NID1: variants seen among roughly 807,000 people sequenced by gnomAD.
The protein encoded by NID1 is nidogen 1.
A neutral mutation model predicts 130.6 loss-of-function variants in NID1; 76 were observed. The observed-to-expected ratio is 0.58, with a 90% confidence interval of 0.48 to 0.70. The LOEUF (loss-of-function observed/expected upper bound fraction) is 0.70, where lower values mean the gene tolerates loss of function less well. Ranked by LOEUF, NID1 falls within the 30% of genes least tolerant of loss-of-function variation. The pLI, the probability that NID1 is intolerant of heterozygous loss-of-function variation, is 0.00. For missense variants in NID1, 1,517 were observed against 1,664.8 expected, an observed-to-expected ratio of 0.91 and a Z score of 1.54; for synonymous variants, 665 against 675.1, an observed-to-expected ratio of 0.98 and a Z score of 0.23.
intron 1 of NID1, among the ~76,000 whole-genome samples, chr1:236,052,225 T>C (rs533220321): frequency 6.6e-6 from 1 of 152,358 alleles, no homozygotes; most frequent in Non-Finnish European, 1.5e-5. Flanking sequence ...GCAAGTCTCA[T>C]TTTGCAAAGT....
At chr1:236,013,303 A>G in intron 11 of NID1, 108 bp downstream of exon 11, 1 of 1,216,802 alleles carries the variant, frequency 8.2e-7, no homozygotes. Context: ...AGATGACAGA[A>G]GAATTCTTTC....
At chr1:236,018,328 T>G (rs1658659876) in intron 9 of NID1, among the ~76,000 whole-genome samples, 1 of 152,228 alleles carries the variant, frequency 6.6e-6, no homozygotes, top group Non-Finnish European at 1.5e-5. Flanking sequence ...TGAGGGTTCT[T>G]CTGCAGATTA....
chr1:236,042,019 G>A lies in NID1; in HGVS notation c.1026C>T (p.Pro342=). Residue 342 remains proline (P), a synonymous_variant, in exon 4 of 20, where the codon CCC becomes CCT. Coordinates refer to ENST00000264187, the MANE Select transcript of NID1 (RefSeq NM_002508.3). ...TGGTTCTCTCTGTGGGAGGTCCAAG[G>A]GGCCTTTCGGTAGCTGCCCGGCGCG... ...LSPRRAATER[P]LGPPTERTRS... The A allele has an allele frequency of 4.3e-6, 7 of 1,614,156 alleles. No individual in the cohort carries two copies. Among genetic ancestry groups the A allele is most frequent in the Non-Finnish European group, 5.9e-6 (7 of 1,180,040 alleles).
At chr1:235,998,893 C>T (rs1365431183) in intron 12 of NID1, among the ~76,000 whole-genome samples, 1 of 152,046 alleles carries the variant, frequency 6.6e-6, no homozygotes, top group African/African-American at 2.4e-5. Context: ...CTCCTTCAGG[C>T]CACAGCACTG....
chr1:236,050,987 G>C lies in NID1; in HGVS notation c.226-1998C>G, dbSNP rs1354410208. Among the ~76,000 whole-genome samples the C allele has an allele frequency of 7.9e-5, 12 of 152,114 alleles. No individual in the cohort carries two copies. The East Asian group carries it at 2.3e-3, about 29-fold the overall frequency. On this transcript the variant is annotated intron_variant, in intron 1 of 19. Transcript: ENST00000264187. ...AGTCCCAGCTACTTGGGAGACTGAGGCAGGAGAATTGCTTGAGCCCAAGAG... is the reference window on the plus strand; with the variant it reads ...AGTCCCAGCTACTTGGGAGACTGAGCCAGGAGAATTGCTTGAGCCCAAGAG...
intron 6 of NID1, among the ~76,000 whole-genome samples, chr1:236,031,614 G>A (rs147519535): frequency 4.6e-5 from 7 of 152,352 alleles, no homozygotes; most frequent in South Asian, 2.1e-4. Flanking sequence ...GGTCTAGGTC[G>A]TCGGAGGCAG....
In NID1 at chr1:236,026,120, C is replaced by T. The variant is rs542790055; in HGVS notation, c.1760G>A (p.Arg587Gln). Reference sequence around the variant, plus strand: ...CTCGGGCTCAGTCACCGTGTACTCCCGGGTGGAGGAGGAAGTGATCACTGC... The same window carrying T: ...CTCGGGCTCAGTCACCGTGTACTCCTGGGTGGAGGAGGAAGTGATCACTGC... ...STSVITSSST[R>Q]EYTVTEPERD... is the part of the protein sequence containing the mutation. The change falls in exon 8 of 20, where the codon CGG (arginine) becomes CAG (glutamine). Residue 587 changes from arginine to glutamine, a missense_variant. Around this residue, in one of 3 missense-constraint regions of NID1, gnomAD observed 1,329 missense variants for 1,429.2 expected, o/e 0.93. Coordinates refer to ENST00000264187, the MANE Select transcript of NID1 (RefSeq NM_002508.3). 21 of 1,613,604 alleles carry T rather than the reference C, an allele frequency of 1.3e-5. No individual in the cohort carries two copies. The highest frequency in any genetic ancestry group is 5.0e-5 in the Admixed American group (3 of 59,974).
chr1:235,981,811 T>A, intron 15 of NID1, 29 bp from the exon 16 acceptor site: 2 of 1,564,374 alleles, frequency 1.3e-6, no homozygotes, highest in Non-Finnish European at 8.7e-7. Flanking sequence ...CTCCTCTAAT[T>A]TTTTTTGTTT....
chr1:235,985,249 A>T (rs1481433239), intron 15 of NID1, 130 bp downstream of exon 15: 2 of 922,002 alleles, frequency 2.2e-6, no homozygotes, highest in Non-Finnish European at 3.4e-6. Flanking sequence ...ACTTTATCGT[A>T]GTAATGCAAC....
intron 9 of NID1, among the ~76,000 whole-genome samples, chr1:236,022,228 C>G (rs1658785423): frequency 6.6e-6 from 1 of 151,890 alleles, no homozygotes; most frequent in South Asian, 2.1e-4. Context: ...GATTGTGCCA[C>G]TGCACTTCAG....
chr1:236,011,296 C>CTTTTTTTTTTTTTTTTTTTTTTT (rs3077493), intron 12 of NID1, among the ~76,000 whole-genome samples: 2 of 135,948 alleles, frequency 1.5e-5, no homozygotes, highest in Non-Finnish European at 1.6e-5. Flanking sequence ...CAAATATATT[C>CTTTTTTTTTTTTTTTTTTTTTTT]TTTTTTTTTC....
chr1:236,020,846 C>A (rs1258931887), intron 9 of NID1, among the ~76,000 whole-genome samples: 1 of 152,170 alleles, frequency 6.6e-6, no homozygotes, highest in African/African-American at 2.4e-5. Flanking sequence ...TCAGAACAAC[C>A]ACTCACCACA....
chr1:236,012,545 C>A, intron 11 of NID1, among the ~76,000 whole-genome samples: 1 of 98,266 alleles, frequency 1.0e-5, no homozygotes, highest in South Asian at 3.2e-4. Flanking sequence ...GCAACAAGAG[C>A]TAAATGCCAT....
intron 13 of NID1, among the ~76,000 whole-genome samples, chr1:235,992,369 A>T (rs755642911): frequency 6.1e-4 from 93 of 152,144 alleles, no homozygotes; most frequent in Non-Finnish European, 1.1e-3. Context: ...CCCGCCAGGG[A>T]CTGTCAAGCC....
intron 12 of NID1, among the ~76,000 whole-genome samples, chr1:236,000,528 T>C (rs1354337746): frequency 3.3e-5 from 5 of 152,154 alleles, no homozygotes; most frequent in Non-Finnish European, 7.3e-5. Flanking sequence ...AACATACATC[T>C]TACCTGTATT....
chr1:236,027,278 T>C (rs1435674875), intron 7 of NID1, among the ~76,000 whole-genome samples: 1 of 152,214 alleles, frequency 6.6e-6, no homozygotes, highest in Non-Finnish European at 1.5e-5. Context: ...AGACTCTTTA[T>C]ATCTTTGTGC....
rs751558873 is a variant in NID1, at chr1:236,042,040, G to T, written c.1005C>A (p.Arg335=). ...TYSVPSVLSP[R]RAATERPLGP... is the part of the protein sequence containing the mutation. ...CAAGGGGCCTTTCGGTAGCTGCCCG[G>T]CGCGGGGAGAGGACGCTGGGCACAC... Residue 335 remains arginine (R), a synonymous_variant, in exon 4 of 20, where the codon CGC becomes CGA. Transcript: ENST00000264187. 6.2e-7 allele frequency: 1 copy of T among 1,614,172 alleles called. No individual in the cohort carries two copies. The highest frequency in any genetic ancestry group is 1.7e-5 in the Admixed American group (1 of 60,026).
At chr1:236,064,783 G>T in intron 1 of NID1, 72 bp downstream of exon 1, 1 of 1,448,540 alleles carries the variant, frequency 6.9e-7, no homozygotes, top group Non-Finnish European at 9.4e-7. Flanking sequence ...GCCCAAGTCC[G>T]TCCGGCTCCA....
intron 9 of NID1, among the ~76,000 whole-genome samples, chr1:236,018,758 T>A (rs1431469641): frequency 6.6e-6 from 1 of 152,192 alleles, no homozygotes; most frequent in Non-Finnish European, 1.5e-5. Flanking sequence ...TTTAGACATG[T>A]TTTAGACCTA....
Sources: allele counts gnomAD v4.1 joint callset (sites outside exome capture counted in the v4.1 genomes callset), GRCh38; gene constraint gnomAD v4.1.1; regional missense constraint gnomAD v4.1.1; transcripts MANE v1.5; gene names NCBI Gene and HGNC (gene_info 2026-07-23, HGNC 2026-07-21).